The following KCMF1 variants were observed in gnomAD, a reference collection of about 807,000 sequenced individuals.
KCMF1 encodes potassium channel modulatory factor 1.
A neutral mutation model predicts 41.1 loss-of-function variants in KCMF1; 3 were observed. The observed-to-expected ratio is 0.07, with a 90% CI of 0.03 to 0.19. The LOEUF is 0.19. KCMF1 is among the 10% of genes least tolerant of loss of function. The probability of loss-of-function intolerance (pLI) is 1.00; values close to 1 mark genes in which losing one functional copy is unlikely to be tolerated. For missense variants in KCMF1, 286 were observed against 488.9 expected, an observed-to-expected ratio of 0.58 and a Z score of 3.91; for synonymous variants, 142 against 164.5, an observed-to-expected ratio of 0.86 and a Z score of 1.04.
intron 5 of KCMF1, among the ~76,000 whole-genome samples, chr2:85,047,672 G>C (rs1465162245): frequency 6.6e-6 from 1 of 151,032 alleles, no homozygotes; most frequent in East Asian, 1.9e-4. Flanking sequence ...CTAGGAAGTT[G>C]GTAGCAGAAC....
At chr2:85,003,529 C>T (rs1426949872) in intron 1 of KCMF1, among the ~76,000 whole-genome samples, 1 of 151,792 alleles carries the variant, frequency 6.6e-6, no homozygotes, top group Non-Finnish European at 1.5e-5. Flanking sequence ...GCTTCAATCT[C>T]TGTTCTGTCA....
At chr2:85,028,132 TA>T (rs1415190687) in intron 2 of KCMF1, 76 bp downstream of exon 2, 1 of 890,504 alleles carries the variant, frequency 1.1e-6, no homozygotes, top group Non-Finnish European at 1.7e-6. Flanking sequence ...CAAAGTGTTC[TA>T]AAACTCCCCA....
At chr2:85,047,901 C>G (rs1675710462) in intron 5 of KCMF1, among the ~76,000 whole-genome samples, 1 of 152,056 alleles carries the variant, frequency 6.6e-6, no homozygotes, top group South Asian at 2.1e-4. Context: ...AAACTGAGAA[C>G]ATCAGAGCTA....
chr2:85,042,158 TA>T (rs1044204487), intron 3 of KCMF1, among the ~76,000 whole-genome samples: 18 of 152,366 alleles, frequency 1.2e-4, no homozygotes, highest in African/African-American at 4.1e-4. Context: ...CTGTCATGCT[TA>T]AATGTTATTT....
intron 1 of KCMF1, among the ~76,000 whole-genome samples, chr2:85,018,861 G>C (rs1321850972): frequency 7.7e-6 from 1 of 130,592 alleles, no homozygotes; most frequent in African/African-American, 2.9e-5. Context: ...CTGGAGTGCA[G>C]TGGCGTGATC....
chr2:85,003,622 T>G (rs1413986372), intron 1 of KCMF1, among the ~76,000 whole-genome samples: 2 of 152,144 alleles, frequency 1.3e-5, no homozygotes, highest in Admixed American at 1.3e-4. Flanking sequence ...AATTTTTTGT[T>G]TGTTTGTTTT....
chr2:85,025,296 G>T (rs1193213907), intron 1 of KCMF1, among the ~76,000 whole-genome samples: 1 of 151,996 alleles, frequency 6.6e-6, no homozygotes, highest in Non-Finnish European at 1.5e-5. Flanking sequence ...GCCTATCTTT[G>T]GTTAGATTTA....
chr2:85,029,644 T>C (rs576673072), intron 2 of KCMF1, among the ~76,000 whole-genome samples: 2 of 151,274 alleles, frequency 1.3e-5, no homozygotes, highest in East Asian at 3.9e-4. Context: ...TTAGAAGACA[T>C]TGTAAGAAAA....
chr2:85,009,846 A>G (rs1674611422), intron 1 of KCMF1, among the ~76,000 whole-genome samples: 1 of 152,242 alleles, frequency 6.6e-6, no homozygotes, highest in South Asian at 2.1e-4. Flanking sequence ...GAAGCAACTT[A>G]GAAATTTAAC....
intron 1 of KCMF1, among the ~76,000 whole-genome samples, chr2:84,998,193 G>A (rs999139891): frequency 6.7e-5 from 10 of 149,104 alleles, no homozygotes; most frequent in African/African-American, 2.2e-4. Flanking sequence ...CCAGGTTCAA[G>A]CACTTCTCCT....
Position 85,053,630 on chromosome 2 carries a change from T to G in KCMF1, c.*221T>G. ...TGTAGGTAGCAGTGCAGGGGTGATC[T>G]CTGCTTCCTGTACCTTGACATGCAA... On this transcript the variant is annotated 3_prime_UTR_variant, in exon 7 of 7. Coordinates refer to ENST00000409785, the MANE Select transcript of KCMF1 (RefSeq NM_020122.5). The G allele has an allele frequency of 2.0e-6, 1 of 509,904 alleles. No individual in the cohort carries two copies. The highest frequency in any genetic ancestry group is 3.3e-5 in the East Asian group (1 of 30,290). The allele number at this position is 509,904 out of a possible 1,614,324, so 31.6% of individuals were successfully genotyped here.
At chr2:84,985,166 G>A (rs1673870535) in intron 1 of KCMF1, among the ~76,000 whole-genome samples, 3 of 152,216 alleles carry the variant, frequency 2.0e-5, no homozygotes, top group Admixed American at 6.5e-5. Flanking sequence ...CATGTGGCTG[G>A]AGGGCAATGA....
chr2:84,981,709 C>G (rs1673757379), intron 1 of KCMF1, among the ~76,000 whole-genome samples: 1 of 152,112 alleles, frequency 6.6e-6, no homozygotes, highest in Non-Finnish European at 1.5e-5. Flanking sequence ...GTCATCCTCC[C>G]TACTCAGCAA....
At chr2:85,023,033 G>A (rs1280206415) in intron 1 of KCMF1, among the ~76,000 whole-genome samples, 1 of 151,638 alleles carries the variant, frequency 6.6e-6, no homozygotes, top group Non-Finnish European at 1.5e-5. Context: ...AACTACAGGC[G>A]GCCGCCATCA....
chr2:85,002,264 AGT>A (rs936444456), intron 1 of KCMF1, among the ~76,000 whole-genome samples: 1 of 152,188 alleles, frequency 6.6e-6, no homozygotes, highest in African/African-American at 2.4e-5. Flanking sequence ...AGATGGTACC[AGT>A]GTCCTATGAA....
At chr2:85,032,320 C>T (rs1034037020) in intron 2 of KCMF1, among the ~76,000 whole-genome samples, 1 of 151,916 alleles carries the variant, frequency 6.6e-6, no homozygotes, top group African/African-American at 2.4e-5. Context: ...CACAGGCATG[C>T]ACCACGATGT....
chr2:85,010,912 C>G (rs1460042084), intron 1 of KCMF1, among the ~76,000 whole-genome samples: 1 of 150,416 alleles, frequency 6.6e-6, no homozygotes, highest in South Asian at 2.1e-4. Context: ...GGCATAATCT[C>G]AGCTCACTGC....
intron 1 of KCMF1, among the ~76,000 whole-genome samples, chr2:84,985,903 A>G (rs1392966962): frequency 1.3e-5 from 2 of 152,230 alleles, no homozygotes; most frequent in South Asian, 2.1e-4. Flanking sequence ...TTAAAAAAAT[A>G]TAACACAGAA....
chr2:84,999,084 C>T (rs918948859), intron 1 of KCMF1, among the ~76,000 whole-genome samples: 77 of 145,032 alleles, frequency 5.3e-4, no homozygotes, highest in African/African-American at 1.8e-3. Context: ...CTTGCTCTGT[C>T]ACCCAGGCTG....
Sources: gnomAD v4.1 joint callset for allele counts (sites outside exome capture counted in the v4.1 genomes callset) on GRCh38, gnomAD v4.1.1 for gene constraint, MANE v1.5 for transcripts, NCBI Gene and HGNC (gene_info 2026-07-23, HGNC 2026-07-21) for gene names.